DRGX: variants seen among roughly 807,000 people sequenced by gnomAD.
DRGX encodes dorsal root ganglia homeobox protein.
DRGX carries 21 observed loss-of-function variants against 28.6 expected under a neutral mutation model. The ratio of observed to expected loss-of-function variants is 0.73; its 90% CI spans 0.52 to 1.06. The LOEUF (loss-of-function observed/expected upper bound fraction) is 1.06, where lower values mean the gene tolerates loss of function less well. Among genes scored for constraint, DRGX ranks in the 50% least tolerant of loss-of-function variants. The pLI is 0.00. For synonymous variants in DRGX, 136 were observed against 139.1 expected (o/e 0.98, Z 0.16); for missense variants, 354 against 343.9 (o/e 1.03, Z -0.23).
intron 6 of DRGX, among the ~76,000 whole-genome samples, chr10:49,375,875 G>A (rs1048612259): frequency 3.3e-5 from 5 of 152,146 alleles, no homozygotes; most frequent in African/African-American, 7.2e-5. Context: ...AGCTCGGCAT[G>A]GGCAGGCTGC....
rs76041114 is a variant in DRGX, at chr10:49,373,664, A to C, written c.527-7283T>G. Among the ~76,000 whole-genome samples, 913 of 152,328 alleles carry C rather than the reference A, an allele frequency of 6.0e-3. 5 individuals are homozygous for C. The highest frequency in any genetic ancestry group is 9.2e-3 in the Non-Finnish European group (623 of 68,018). On this transcript the variant is annotated intron_variant, in intron 6 of 6. Transcript: ENST00000374139. The stretch of plus-strand genomic sequence containing the variant: ...TATGAATCCAGTGCCCTCACAAGAC[A>C]CTGAGTCTTCCAGCACCTTGATCTT...
In DRGX at chr10:49,386,522, G is replaced by T; in HGVS notation, c.482C>A (p.Thr161Lys). Reference protein sequence around the residue: ...PSCLPGTLLNTATYAQALSHV... With the variant: ...PSCLPGTLLNKATYAQALSHV... ...GGACAAGGCCTGGGCGTAGGTGGCC[G>T]TGTTCAGGAGAGTCCCCGGCAAGCA... Residue 161 changes from threonine to lysine, a missense_variant, in exon 6 of 7, where the codon ACG becomes AAG. By Grantham distance (78) the Thr-to-Lys change is moderately conservative. Transcript: ENST00000374139. 1.3e-6 allele frequency: 2 copies of T among 1,588,924 alleles called. No homozygotes were observed. Among genetic ancestry groups the T allele is most frequent in the Non-Finnish European group, 1.7e-6 (2 of 1,167,764 alleles).
At chr10:49,382,392 A>C (rs777413583) in intron 6 of DRGX, among the ~76,000 whole-genome samples, 24 of 152,276 alleles carry the variant, frequency 1.6e-4, no homozygotes, top group South Asian at 4.1e-4. Context: ...CGAGTTGGCT[A>C]GCAGCCCCTA....
Position 49,390,223 on chromosome 10 carries a change from G to A in DRGX, c.144C>T (p.Leu48=), listed in dbSNP as rs1424599918. The change falls in exon 4 of 7, where the codon CTC becomes CTT. Residue 48 remains leucine (L), a synonymous_variant. Transcript: ENST00000374139. ...TTFTLQQLEA[L]EAVFAQTHYP... ...AGTGTGTTTGGGCAAAAACGGCCTC[G>A]AGAGCTTCCAGCTGGTAAAAGGAAA... 2 of 1,610,786 alleles carry A rather than the reference G, an allele frequency of 1.2e-6. No homozygotes were observed. Among genetic ancestry groups the A allele is most frequent in the South Asian group, 1.1e-5 (1 of 90,044 alleles).
chr10:49,394,927 G>T (rs1849948687), intron 2 of DRGX, among the ~76,000 whole-genome samples: 1 of 152,248 alleles, frequency 6.6e-6, no homozygotes, highest in Non-Finnish European at 1.5e-5. Context: ...GGGCGGAAGA[G>T]GCCCCTGCAG....
intron 6 of DRGX, among the ~76,000 whole-genome samples, chr10:49,379,332 T>C (rs77969576): frequency 0.047 from 7,228 of 152,288 alleles, 234 homozygotes; most frequent in Non-Finnish European, 0.073. Flanking sequence ...TTTGGATGCT[T>C]GAAACCATTA....
chr10:49,375,816 C>T (rs1363831478), intron 6 of DRGX, among the ~76,000 whole-genome samples: 1 of 152,124 alleles, frequency 6.6e-6, no homozygotes, highest in African/African-American at 2.4e-5. Context: ...ATGTTCCTGG[C>T]AGTCAGATGC....
Position 49,386,507 on chromosome 10 carries a change from TG to T in DRGX, c.496del (p.Gln166ArgfsTer46). The T allele has an allele frequency of 6.3e-7, 1 of 1,584,940 alleles. No homozygotes were observed. Among genetic ancestry groups the T allele is most frequent in the Admixed American group, 1.8e-5 (1 of 55,728 alleles). On this transcript the variant is annotated frameshift_variant, in exon 6 of 7. Transcript: ENST00000374139. LOFTEE classifies it high-confidence loss of function. ...GAGGGAAGCCACATGGGACAAGGCC[TG>T]GGCGTAGGTGGCCGTGTTCAGGAGA... ...GTLLNTATYA[Q>X]ALSHVASLKG... is the part of the protein sequence containing the mutation.
chr10:49,386,089 C>G lies in DRGX; in HGVS notation c.526+389G>C, dbSNP rs1015894834. On this transcript the variant is annotated intron_variant, in intron 6 of 6. Transcript: ENST00000374139. ...AGGAGACCTGGGGAAGGCAAGTGGC[C>G]CAGTCGCATGCATGGAGAGGGAGCT... Among the ~76,000 whole-genome samples, 3 of 151,968 alleles carry G rather than the reference C, an allele frequency of 2.0e-5. No homozygotes were observed. The South Asian group carries it at 6.2e-4, about 32-fold the overall frequency.
chr10:49,381,527 G>C (rs1196600519), intron 6 of DRGX, among the ~76,000 whole-genome samples: 1 of 152,198 alleles, frequency 6.6e-6, no homozygotes, highest in East Asian at 1.9e-4. Flanking sequence ...ATATGTGGAG[G>C]CTCTCTCAAT....
At chr10:49,395,008 T>G (rs544916782) in intron 2 of DRGX, among the ~76,000 whole-genome samples, 161 of 152,368 alleles carry the variant, frequency 1.1e-3, no homozygotes, top group African/African-American at 3.6e-3. Flanking sequence ...GCTCGTGATC[T>G]GGGCCAGGAC....
intron 6 of DRGX, among the ~76,000 whole-genome samples, chr10:49,385,827 A>T (rs967647919): frequency 2.6e-5 from 4 of 151,974 alleles, no homozygotes; most frequent in African/African-American, 9.7e-5. Flanking sequence ...TGGCCAACAC[A>T]GCTGTGCAGC....
Position 49,370,516 on chromosome 10 carries a change from T to C in DRGX, c.527-4135A>G, listed in dbSNP as rs147168718. 8.8e-3 allele frequency among the ~76,000 whole-genome samples: 1,334 copies of C among 152,250 alleles called. 12 individuals carry two copies. The highest frequency in any genetic ancestry group is 0.011 in the Non-Finnish European group (761 of 68,022). ...AAAAGTGTCCATCAAAGGGGGCGGA[T>C]GCCTGCAGGTGGACGCACAAACACG... On this transcript the variant is annotated intron_variant, in intron 6 of 6. Transcript: ENST00000374139.
At chr10:49,371,161 T>G (rs1431149414) in intron 6 of DRGX, among the ~76,000 whole-genome samples, 1 of 152,224 alleles carries the variant, frequency 6.6e-6, no homozygotes, top group Non-Finnish European at 1.5e-5. Flanking sequence ...CTTAAAAAAC[T>G]GACTCTTGAT....
At chr10:49,370,359 C>T (rs1370251841) in intron 6 of DRGX, among the ~76,000 whole-genome samples, 4 of 152,148 alleles carry the variant, frequency 2.6e-5, no homozygotes, top group Non-Finnish European at 5.9e-5. Context: ...GAGCCAAGAT[C>T]GTGCCACTGC....
At chr10:49,387,797 C>T (rs980609091) in intron 4 of DRGX, among the ~76,000 whole-genome samples, 1 of 152,148 alleles carries the variant, frequency 6.6e-6, no homozygotes, top group East Asian at 1.9e-4. Context: ...GTAAGTAGTC[C>T]TGTTATCCCC....
In DRGX at chr10:49,364,166, A is replaced by G. The variant is rs981349818; in HGVS notation, c.*1950T>C. On this transcript the variant is annotated 3_prime_UTR_variant, in exon 7 of 7. Coordinates refer to ENST00000374139, the MANE Select transcript of DRGX (RefSeq NM_001276451.2). ...TTTGTACAACAAAACAAAGTACTCA[A>G]TATCTCTGCAGAGGTTTGGTGCTCA... The G allele has an allele frequency of 1.3e-5, 2 of 152,172 alleles. No homozygotes were observed. The highest frequency in any genetic ancestry group is 2.9e-5 in the Non-Finnish European group (2 of 68,018). 9.4% of individuals were successfully genotyped at this position (152,172 alleles called of 1,614,324 possible).
Position 49,391,357 on chromosome 10 carries a change from G to A in DRGX, c.35-96C>T, listed in dbSNP as rs144901827. 9.6e-5 allele frequency: 86 copies of A among 897,124 alleles called. No homozygotes were observed. The African/African-American group carries it at 1.3e-3, about 14-fold the overall frequency. 55.6% of individuals were successfully genotyped at this position (897,124 alleles called of 1,614,324 possible). ...CAGAGGGCACCCACCTGACCCACCA[G>A]ACAGGAAGCCCTGTTTGTCCCAAAG... On this transcript the variant is annotated intron_variant, in intron 2 of 6. Transcript: ENST00000374139.
At position 49,386,702 on chromosome 10, in the gene DRGX, C is replaced by G. The variant is rs369269542; in HGVS notation, c.391G>C (p.Glu131Gln). The G allele has an allele frequency of 8.5e-5, 134 of 1,584,922 alleles. No individual in the cohort carries two copies. Among genetic ancestry groups the G allele is most frequent in the Middle Eastern group, 1.7e-4 (1 of 5,918 alleles). Residue 131 changes from glutamate to glutamine, a missense_variant, in exon 5 of 7, where the codon GAG becomes CAG. Glu to Gln is a conservative substitution (Grantham distance 29). Coordinates refer to ENST00000374139, the MANE Select transcript of DRGX (RefSeq NM_001276451.2). Reference protein sequence around the residue: ...PPGDQARSKKEALEAQQSLGR... With the variant: ...PPGDQARSKKQALEAQQSLGR... ...CACCTCTGCTGGGCCTCCAGCGCCTCCTTCTTACTCCGGGCTTGGTCCCCA... is the reference window on the plus strand; with the variant it reads ...CACCTCTGCTGGGCCTCCAGCGCCTGCTTCTTACTCCGGGCTTGGTCCCCA...
Sources: allele counts gnomAD v4.1 joint callset (sites outside exome capture counted in the v4.1 genomes callset), GRCh38; gene constraint gnomAD v4.1.1; transcripts MANE v1.5; gene names NCBI Gene and HGNC (gene_info 2026-07-23, HGNC 2026-07-21).